The following ST6GALNAC3 variants were observed in gnomAD, a reference collection of about 807,000 sequenced individuals.
ST6GALNAC3 encodes the protein ST6 N-acetylgalactosaminide alpha-2,6-sialyltransferase 3.
A neutral mutation model predicts 32.7 loss-of-function variants in ST6GALNAC3; 25 were observed. The observed-to-expected ratio is 0.76, with a 90% confidence interval of 0.56 to 1.07. The LOEUF (loss-of-function observed/expected upper bound fraction) is 1.07, where lower values mean the gene tolerates loss of function less well. ST6GALNAC3 is among the 50% of genes least tolerant of loss of function. The pLI is 0.00. For synonymous variants in ST6GALNAC3, 129 were observed against 133.1 expected (o/e 0.97, Z 0.21); for missense variants, 355 against 382.4 (o/e 0.93, Z 0.60).
chr1:76,343,357 C>T (rs913083625), intron 2 of ST6GALNAC3, among the ~76,000 whole-genome samples: 3 of 152,044 alleles, frequency 2.0e-5, no homozygotes, highest in African/African-American at 7.2e-5. Context: ...TTTTGTATAA[C>T]CTGAACTTTT....
At chr1:76,452,571 G>A (rs183352648) in intron 3 of ST6GALNAC3, among the ~76,000 whole-genome samples, 4 of 152,252 alleles carry the variant, frequency 2.6e-5, no homozygotes, top group Admixed American at 2.0e-4. Flanking sequence ...TTTTTGTGGT[G>A]TATTACATTT....
intron 3 of ST6GALNAC3, among the ~76,000 whole-genome samples, chr1:76,521,688 T>C (rs1467577684): frequency 6.6e-6 from 1 of 152,238 alleles, no homozygotes; most frequent in South Asian, 2.1e-4. Flanking sequence ...TTTTTGTTTT[T>C]CTGGAAATAT....
At chr1:76,110,448 T>C (rs1647843556) in intron 1 of ST6GALNAC3, among the ~76,000 whole-genome samples, 1 of 152,276 alleles carries the variant, frequency 6.6e-6, no homozygotes, top group Non-Finnish European at 1.5e-5. Flanking sequence ...GTATTAATGC[T>C]GTGACATTGT....
intron 1 of ST6GALNAC3, among the ~76,000 whole-genome samples, chr1:76,156,795 G>T (rs1014209560): frequency 3.3e-5 from 5 of 152,072 alleles, no homozygotes; most frequent in African/African-American, 1.2e-4. Flanking sequence ...ACAGTGGCGC[G>T]ATCTTGGCTC....
chr1:76,200,480 T>C (rs1178760830), intron 1 of ST6GALNAC3, among the ~76,000 whole-genome samples: 1 of 152,136 alleles, frequency 6.6e-6, no homozygotes, highest in Non-Finnish European at 1.5e-5. Context: ...CCCTGTTTAT[T>C]TCAACCAGCT....
At chr1:76,315,993 T>C (rs991854517) in intron 2 of ST6GALNAC3, among the ~76,000 whole-genome samples, 8 of 152,118 alleles carry the variant, frequency 5.3e-5, no homozygotes, top group African/African-American at 1.9e-4. Flanking sequence ...TAAACACATG[T>C]AGGGGTTCTC....
At chr1:76,380,974 G>T (rs1474521598) in intron 2 of ST6GALNAC3, among the ~76,000 whole-genome samples, 1 of 152,082 alleles carries the variant, frequency 6.6e-6, no homozygotes. Context: ...CATGGTAGTA[G>T]TTTTTAAAAT....
At chr1:76,078,664 G>A (rs1246372490) in intron 1 of ST6GALNAC3, among the ~76,000 whole-genome samples, 1 of 152,064 alleles carries the variant, frequency 6.6e-6, no homozygotes, top group East Asian at 1.9e-4. Flanking sequence ...TATTGCAGGG[G>A]GAAAAAAGAA....
chr1:76,342,707 T>A (rs1271083474), intron 2 of ST6GALNAC3, among the ~76,000 whole-genome samples: 1 of 152,124 alleles, frequency 6.6e-6, no homozygotes, highest in Non-Finnish European at 1.5e-5. Flanking sequence ...GTGTATAAGC[T>A]TTCCCTTTTC....
intron 3 of ST6GALNAC3, among the ~76,000 whole-genome samples, chr1:76,449,512 G>C (rs1442064578): frequency 2.6e-5 from 4 of 152,164 alleles, no homozygotes; most frequent in African/African-American, 9.7e-5. Flanking sequence ...AGCTGTATAA[G>C]TTTGCATCCC....
intron 1 of ST6GALNAC3, among the ~76,000 whole-genome samples, chr1:76,234,984 G>A (rs1656566983): frequency 6.6e-6 from 1 of 152,164 alleles, no homozygotes; most frequent in Non-Finnish European, 1.5e-5. Context: ...GAACCAAGGA[G>A]TGTGGGCTTC....
At chr1:76,203,252 C>T (rs935556607) in intron 1 of ST6GALNAC3, among the ~76,000 whole-genome samples, 11 of 152,186 alleles carry the variant, frequency 7.2e-5, no homozygotes, top group Non-Finnish European at 7.4e-5. Context: ...AGAATCTGCG[C>T]AGGGGGTGCC....
chr1:76,391,077 C>T (rs1652505534), intron 2 of ST6GALNAC3, among the ~76,000 whole-genome samples: 1 of 151,158 alleles, frequency 6.6e-6, no homozygotes, highest in Non-Finnish European at 1.5e-5. Context: ...GTAGCTGGGA[C>T]TACGGGCGCC....
chr1:76,261,607 C>T (rs1658241070), intron 1 of ST6GALNAC3, among the ~76,000 whole-genome samples: 1 of 152,218 alleles, frequency 6.6e-6, no homozygotes, highest in African/African-American at 2.4e-5. Context: ...AACAGTGCTG[C>T]TCTCAAAGAA....
At chr1:76,622,048 C>T (rs1229040643) in intron 3 of ST6GALNAC3, among the ~76,000 whole-genome samples, 3 of 151,930 alleles carry the variant, frequency 2.0e-5, no homozygotes, top group East Asian at 1.9e-4. Context: ...GTCTTGATAC[C>T]CTTCAGGCTT....
chr1:76,174,663 CT>C (rs59269306), intron 1 of ST6GALNAC3, among the ~76,000 whole-genome samples: 28 of 140,134 alleles, frequency 2.0e-4, no homozygotes, highest in African/African-American at 4.0e-4. Context: ...TTTTTCTTTT[CT>C]TTTTTTTTTT....
intron 3 of ST6GALNAC3, among the ~76,000 whole-genome samples, chr1:76,461,707 T>C (rs1177423176): frequency 1.3e-5 from 2 of 152,158 alleles, no homozygotes; most frequent in African/African-American, 4.8e-5. Flanking sequence ...TACCTGATGT[T>C]GACAGTAAGT....
chr1:76,298,049 G>T (rs544800651), intron 1 of ST6GALNAC3, among the ~76,000 whole-genome samples: 1 of 152,010 alleles, frequency 6.6e-6, no homozygotes, highest in Non-Finnish European at 1.5e-5. Context: ...GCTTACCATG[G>T]TTAAAGTATA....
Position 76,297,088 on chromosome 1 carries a change from A to G in ST6GALNAC3, c.19-16717A>G, listed in dbSNP as rs141011528. Among the ~76,000 whole-genome samples the G allele has an allele frequency of 3.4e-3, 512 of 152,176 alleles. 3 individuals are homozygous for G. Among genetic ancestry groups the G allele is most frequent in the African/African-American group, 0.012 (480 of 41,542 alleles). On this transcript the variant is annotated intron_variant, in intron 1 of 4. Coordinates refer to ENST00000328299, the MANE Select transcript of ST6GALNAC3 (RefSeq NM_152996.4). ...TAAAGGGAGGACTTTTATGGACTTT[A>G]TCAGAAGCAAGCTTCATAAATCTGT...
Sources: allele counts gnomAD v4.1 joint callset (sites outside exome capture counted in the v4.1 genomes callset), GRCh38; gene constraint gnomAD v4.1.1; transcripts MANE v1.5; gene names NCBI Gene and HGNC (gene_info 2026-07-23, HGNC 2026-07-21).